Variants in MAML3 observed in about 807,000 individuals in gnomAD.
MAML3 encodes the protein mastermind like transcriptional coactivator 3, also known as mastermind-like protein 3.
A neutral mutation model predicts 101.9 loss-of-function variants in MAML3; 27 were observed. That is an observed-to-expected ratio of 0.27 (90% confidence interval 0.20 to 0.37). The LOEUF (loss-of-function observed/expected upper bound fraction) is 0.37. Among genes scored for constraint, MAML3 ranks in the 10% least tolerant of loss-of-function variants. The probability of loss-of-function intolerance (pLI) is 1.00; values close to 1 mark genes in which losing one functional copy is unlikely to be tolerated. For synonymous variants in MAML3, 501 were observed against 555.9 expected, an observed-to-expected ratio of 0.90 and a Z score of 1.39; for missense variants, 1,316 against 1,444.9, an observed-to-expected ratio of 0.91 and a Z score of 1.45.
intron 1 of MAML3, among the ~76,000 whole-genome samples, chr4:139,997,091 AT>A (rs924560762): frequency 6.4e-5 from 9 of 140,478 alleles, no homozygotes; most frequent in African/African-American, 2.0e-4. Flanking sequence ...AATAAAATAA[AT>A]TTTTTTGAGA....
intron 1 of MAML3, among the ~76,000 whole-genome samples, chr4:140,119,659 AC>A (rs1728573585): frequency 8.7e-6 from 1 of 114,816 alleles, no homozygotes; most frequent in African/African-American, 3.5e-5. Flanking sequence ...TTGCTCTTTC[AC>A]CCAGGCTATA....
chr4:140,092,101 T>TACGTATATATATACGTATATATATATAC (rs1728067559), intron 1 of MAML3, among the ~76,000 whole-genome samples: 1 of 96,070 alleles, frequency 1.0e-5, no homozygotes. Context: ...TATATATATA[T>TACGTATATATATACGTATATATATATAC]ACGTATATAT....
intron 2 of MAML3, among the ~76,000 whole-genome samples, chr4:139,792,612 T>C (rs559258955): frequency 6.6e-6 from 1 of 152,360 alleles, no homozygotes; most frequent in South Asian, 2.1e-4. Flanking sequence ...AAATGGAATG[T>C]ACAAAGTGTG....
At chr4:140,019,645 G>T (rs1726701755) in intron 1 of MAML3, among the ~76,000 whole-genome samples, 1 of 152,126 alleles carries the variant, frequency 6.6e-6, no homozygotes, top group Admixed American at 6.6e-5. Context: ...ATACAATCTA[G>T]GAACTTAGGC....
At position 139,720,076 on chromosome 4, in the gene MAML3, A is replaced by G. The variant is rs190265322; in HGVS notation, c.2664T>C (p.Ser888=). 1,018 of 1,614,032 alleles carry G rather than the reference A, an allele frequency of 6.3e-4. 6 individuals carry two copies. In the African/African-American group the frequency reaches 0.012, roughly 19 times the overall value. Residue 888 remains serine (S), a synonymous_variant, in exon 5 of 5, where the codon AGT becomes AGC. Transcript: ENST00000509479. ...MTQMLQHPNQ[S]GMSITHNQAQ... is the part of the protein sequence containing the mutation. ...CTTGGTTATGTGTGATGCTCATGCC[A>G]CTTTGGTTTGGATGCTGCAACATTT...
chr4:139,902,804 C>G (rs1003676076), intron 1 of MAML3, among the ~76,000 whole-genome samples: 4 of 152,166 alleles, frequency 2.6e-5, no homozygotes, highest in Admixed American at 2.6e-4. Flanking sequence ...CAGCCTCTTC[C>G]GCACAACCTC....
At chr4:139,959,727 T>C (rs115823189) in intron 1 of MAML3, among the ~76,000 whole-genome samples, 2,265 of 152,280 alleles carry the variant, frequency 0.015, 68 homozygotes, top group African/African-American at 0.052. Context: ...TGACTGCTGA[T>C]TTCTTCCATG....
intron 2 of MAML3, among the ~76,000 whole-genome samples, chr4:139,844,986 CTCTG>C (rs1731417360): frequency 6.6e-6 from 1 of 151,940 alleles, no homozygotes; most frequent in Admixed American, 6.5e-5. Context: ...CTTTCTCTCT[CTCTG>C]TCTGTCTCTC....
chr4:139,719,608 C>T lies in MAML3; in HGVS notation c.3132G>A (p.Arg1044=). ...LPGQQGTSQA[R]PMVMSGLSQG... is the part of the protein sequence containing the mutation. ...GGCTCAGGCCAGACATGACCATTGG[C>T]CTCGCCTGGCTGGTGCCTTGCTGCC... The change falls in exon 5 of 5, where the codon AGG becomes AGA. Residue 1044 remains arginine, a synonymous_variant. Coordinates refer to ENST00000509479, the MANE Select transcript of MAML3 (RefSeq NM_018717.5). 6.2e-7 allele frequency: 1 copy of T among 1,612,760 alleles called. No individual in the cohort carries two copies. The highest frequency in any genetic ancestry group is 8.5e-7 in the Non-Finnish European group (1 of 1,179,460).
intron 1 of MAML3, among the ~76,000 whole-genome samples, chr4:139,986,537 C>T (rs1302704964): frequency 1.3e-5 from 2 of 152,128 alleles, no homozygotes; most frequent in African/African-American, 4.8e-5. Flanking sequence ...ACAAACAACT[C>T]TCCAGGATCT....
rs546913023 is a variant in MAML3 at position 139,890,911 on chromosome 4, G to A, written c.525C>T (p.Asp175=). 1.0e-4 allele frequency: 169 copies of A among 1,613,572 alleles called. 1 individual carries two copies. The South Asian group carries it at 1.8e-3, about 17-fold the overall frequency. Reference sequence around the variant, plus strand: ...TCCCATCACAAGCACCATTCTGCTGGTCTCCATTAAGTGGTGATCGAGCTC... The same window carrying A: ...TCCCATCACAAGCACCATTCTGCTGATCTCCATTAAGTGGTGATCGAGCTC... ...LEGARSPLNG[D]QQNGACDGNF... is the part of the protein sequence containing the mutation. The change falls in exon 2 of 5, where the codon GAC becomes GAT. Residue 175 remains aspartate (D), a synonymous_variant. Transcript: ENST00000509479. The surrounding 1 kb of genome is among the most constrained non-coding windows in gnomAD (Gnocchi z 4.1).
At chr4:139,989,416 G>T (rs1734616574) in intron 1 of MAML3, among the ~76,000 whole-genome samples, 1 of 152,124 alleles carries the variant, frequency 6.6e-6, no homozygotes, top group Non-Finnish European at 1.5e-5. Flanking sequence ...ACGCCCGACG[G>T]CTTCTGCTGC....
chr4:140,062,699 A>G (rs34431661), intron 1 of MAML3, among the ~76,000 whole-genome samples: 1 of 152,232 alleles, frequency 6.6e-6, no homozygotes, highest in Non-Finnish European at 1.5e-5. Context: ...AATCACATAT[A>G]CAATACAAAT....
intron 1 of MAML3, among the ~76,000 whole-genome samples, chr4:139,916,751 A>G (rs890207272): frequency 7.9e-5 from 12 of 152,198 alleles, no homozygotes; most frequent in Admixed American, 3.3e-4. Flanking sequence ...TAAGGCTAAT[A>G]TTGCCTAGTT....
At chr4:139,916,157 T>C (rs1217887269) in intron 1 of MAML3, among the ~76,000 whole-genome samples, 2 of 152,208 alleles carry the variant, frequency 1.3e-5, no homozygotes, top group Non-Finnish European at 2.9e-5. Flanking sequence ...TGTGCTTCTC[T>C]GTTACAAGCC....
chr4:139,782,586 T>C (rs1730236856), intron 2 of MAML3, among the ~76,000 whole-genome samples: 2 of 152,210 alleles, frequency 1.3e-5, no homozygotes. Context: ...TTAACAGGGC[T>C]CTTAGGAGGG....
chr4:139,911,860 A>C (rs1187344389), intron 1 of MAML3, among the ~76,000 whole-genome samples: 1 of 152,238 alleles, frequency 6.6e-6, no homozygotes, highest in Non-Finnish European at 1.5e-5. Context: ...AACTGTAAGA[A>C]ATAAGTTTCT....
At chr4:140,057,083 T>C (rs1727361450) in intron 1 of MAML3, among the ~76,000 whole-genome samples, 1 of 152,156 alleles carries the variant, frequency 6.6e-6, no homozygotes, top group African/African-American at 2.4e-5. Context: ...GTGCCCAGCC[T>C]GGGCAATGAA....
chr4:139,857,215 C>A (rs1657201084), intron 2 of MAML3, among the ~76,000 whole-genome samples: 1 of 152,142 alleles, frequency 6.6e-6, no homozygotes, highest in Admixed American at 6.5e-5. Flanking sequence ...AAACAGTAAG[C>A]TGTCTGTTGA....
Sources: allele counts gnomAD v4.1 joint callset (sites outside exome capture counted in the v4.1 genomes callset), GRCh38; gene constraint gnomAD v4.1.1; non-coding constraint Gnocchi (gnomAD v3.1); transcripts MANE v1.5; gene names NCBI Gene and HGNC (gene_info 2026-07-23, HGNC 2026-07-21).